Variants in PID1 observed in about 807,000 individuals in gnomAD.
PID1 encodes the protein PTB-containing, cubilin and LRP1-interacting protein.
A neutral mutation model predicts 19.1 loss-of-function variants in PID1; 10 were observed. That is an observed-to-expected ratio of 0.52 (90% confidence interval 0.32 to 0.89). PID1 has a LOEUF of 0.89. PID1 is among the 40% of genes least tolerant of loss of function. PID1 has a pLI of 0.03. For synonymous variants in PID1, 130 were observed against 116.0 expected (o/e 1.12, Z -0.78); for missense variants, 248 against 285.3 (o/e 0.87, Z 0.94).
intron 1 of PID1, among the ~76,000 whole-genome samples, chr2:229,226,781 T>C (rs10933280): frequency 8.3e-4 from 126 of 152,330 alleles, no homozygotes; most frequent in Non-Finnish European, 1.2e-3. Context: ...ATTTCAGAGA[T>C]TGAACCATTT....
rs77751150 is a variant in PID1 at position 229,077,702 on chromosome 2, C to T, written c.178-51594G>A. Among the ~76,000 whole-genome samples the T allele has an allele frequency of 2.0e-4, 31 of 152,140 alleles. 1 individual carries two copies. Among genetic ancestry groups the T allele is most frequent in the South Asian group, 1.2e-3 (6 of 4,806 alleles). On this transcript the variant is annotated intron_variant, in intron 2 of 2. Coordinates refer to ENST00000392055, the MANE Select transcript of PID1 (RefSeq NM_001100818.2). ...CAAAGATCAGATGGTTGTGGATGTGCGGTGTTATTTCTGAGACCTCTGTTC... is the reference window on the plus strand; with the variant it reads ...CAAAGATCAGATGGTTGTGGATGTGTGGTGTTATTTCTGAGACCTCTGTTC...
chr2:229,188,099 A>G (rs557566881), intron 1 of PID1, among the ~76,000 whole-genome samples: 18 of 152,294 alleles, frequency 1.2e-4, no homozygotes, highest in African/African-American at 4.1e-4. Flanking sequence ...ACAAATACAC[A>G]TCATCAAAAC....
intron 2 of PID1, among the ~76,000 whole-genome samples, chr2:229,061,482 G>C (rs2106193263): frequency 6.6e-6 from 1 of 151,894 alleles, no homozygotes; most frequent in East Asian, 1.9e-4. Context: ...TTTTTATGCT[G>C]GTACCATGCT....
chr2:229,198,491 T>C (rs1691425577), intron 1 of PID1, among the ~76,000 whole-genome samples: 1 of 152,096 alleles, frequency 6.6e-6, no homozygotes, highest in Admixed American at 6.6e-5. Flanking sequence ...TCCAGGTTCC[T>C]GTATACACTT....
chr2:229,042,546 G>A (rs368781386), intron 2 of PID1, among the ~76,000 whole-genome samples: 7 of 152,140 alleles, frequency 4.6e-5, no homozygotes, highest in African/African-American at 1.7e-4. Context: ...TACTCTGACC[G>A]TCCTGGAGCA....
chr2:229,163,682 CGTGTGT>C (rs78599845), intron 1 of PID1, among the ~76,000 whole-genome samples: 1 of 51,422 alleles, frequency 1.9e-5, no homozygotes, highest in African/African-American at 5.8e-5. Flanking sequence ...TGTGCGTGTG[CGTGTGT>C]GTGTGTGTAT....
intron 2 of PID1, among the ~76,000 whole-genome samples, chr2:229,088,734 G>GA (rs201257603): frequency 2.4e-4 from 36 of 147,858 alleles, no homozygotes; most frequent in East Asian, 9.9e-4. Flanking sequence ...AACTACAAAA[G>GA]AAAAAAAAAA....
chr2:229,159,151 T>A (rs943546438), intron 1 of PID1, among the ~76,000 whole-genome samples: 1 of 152,158 alleles, frequency 6.6e-6, no homozygotes, highest in Non-Finnish European at 1.5e-5. Flanking sequence ...TTCTCCATGA[T>A]GTTATTATTG....
chr2:229,158,387 T>C (rs1690424826), intron 1 of PID1, among the ~76,000 whole-genome samples: 1 of 152,200 alleles, frequency 6.6e-6, no homozygotes, highest in African/African-American at 2.4e-5. Context: ...ATTGTTCCTA[T>C]AATTTATCCC....
chr2:229,214,161 T>C (rs1199200665), intron 1 of PID1, among the ~76,000 whole-genome samples: 1 of 152,214 alleles, frequency 6.6e-6, no homozygotes, highest in Admixed American at 6.5e-5. Context: ...CATACCATTT[T>C]GTGTGGTTAA....
intron 2 of PID1, among the ~76,000 whole-genome samples, chr2:229,114,113 TTC>T (rs59302884): frequency 0.68 from 94,320 of 138,558 alleles, 32,003 homozygotes; most frequent in East Asian, 0.76. Context: ...CTCTCTCTCT[TTC>T]TCTCTCTCTC....
At chr2:229,258,729 G>A (rs1294331363) in intron 1 of PID1, among the ~76,000 whole-genome samples, 1 of 151,910 alleles carries the variant, frequency 6.6e-6, no homozygotes, top group African/African-American at 2.4e-5. Flanking sequence ...CTACGTAGTG[G>A]CGGGCGCCTG....
intron 1 of PID1, among the ~76,000 whole-genome samples, chr2:229,163,131 G>C (rs989855165): frequency 2.0e-5 from 3 of 152,022 alleles, no homozygotes; most frequent in African/African-American, 7.2e-5. Context: ...TTCATGCTAA[G>C]AGTTTGTCTA....
chr2:229,027,898 T>G (rs1480313313), intron 2 of PID1, among the ~76,000 whole-genome samples: 1 of 152,108 alleles, frequency 6.6e-6, no homozygotes, highest in Non-Finnish European at 1.5e-5. Flanking sequence ...GCGTCGTTGC[T>G]CCTCTGGAAT....
At chr2:229,149,359 A>G (rs1444090916) in intron 2 of PID1, among the ~76,000 whole-genome samples, 3 of 152,226 alleles carry the variant, frequency 2.0e-5, no homozygotes, top group Admixed American at 2.0e-4. Flanking sequence ...TGTAGAAATC[A>G]GATACATGTG....
intron 1 of PID1, among the ~76,000 whole-genome samples, chr2:229,224,896 T>C (rs1469385037): frequency 6.6e-6 from 1 of 152,086 alleles, no homozygotes; most frequent in Non-Finnish European, 1.5e-5. Flanking sequence ...AGCAAGTCAT[T>C]TGGCCTGAAC....
At chr2:229,154,679 A>C (rs1218546067) in intron 2 of PID1, among the ~76,000 whole-genome samples, 4 of 152,196 alleles carry the variant, frequency 2.6e-5, no homozygotes, top group Non-Finnish European at 4.4e-5. Context: ...CACACTAAGC[A>C]ATAAGGAAAA....
intron 1 of PID1, among the ~76,000 whole-genome samples, chr2:229,239,643 A>AT (rs1387868904): frequency 6.6e-6 from 1 of 152,146 alleles, no homozygotes. Flanking sequence ...CTTAAGCTCC[A>AT]TTTTCTAATA....
At chr2:229,081,191 T>C (rs1013913510) in intron 2 of PID1, among the ~76,000 whole-genome samples, 4 of 152,210 alleles carry the variant, frequency 2.6e-5, no homozygotes, top group African/African-American at 9.6e-5. Flanking sequence ...TAGGTTTACA[T>C]TGTTGATACA....
Sources: gnomAD v4.1 joint callset for allele counts (sites outside exome capture counted in the v4.1 genomes callset) on GRCh38, gnomAD v4.1.1 for gene constraint, MANE v1.5 for transcripts, NCBI Gene and HGNC (gene_info 2026-07-23, HGNC 2026-07-21) for gene names.